The following SPOCK1 variants were observed in gnomAD, a reference collection of about 807,000 sequenced individuals.
The protein encoded by SPOCK1 is testican-1.
A neutral mutation model predicts 55.3 loss-of-function variants in SPOCK1; 23 were observed. The observed-to-expected ratio is 0.42, with a 90% CI of 0.30 to 0.59. The LOEUF (loss-of-function observed/expected upper bound fraction) is 0.59. Among genes scored for constraint, SPOCK1 ranks in the 20% least tolerant of loss-of-function variants. The pLI is 0.22. For synonymous variants in SPOCK1, 226 were observed against 221.0 expected, an observed-to-expected ratio of 1.02 and a Z score of -0.20; for missense variants, 499 against 552.5, an observed-to-expected ratio of 0.90 and a Z score of 0.97.
intron 3 of SPOCK1, among the ~76,000 whole-genome samples, chr5:137,235,499 A>G (rs1046450118): frequency 6.6e-6 from 1 of 152,218 alleles, no homozygotes; most frequent in African/African-American, 2.4e-5. Context: ...GACAAGAAAA[A>G]CATGCCCAGA....
intron 2 of SPOCK1, among the ~76,000 whole-genome samples, chr5:137,404,225 GCA>G (rs1173990939): frequency 6.6e-6 from 1 of 152,152 alleles, no homozygotes; most frequent in Non-Finnish European, 1.5e-5. Context: ...CACGGCAAGT[GCA>G]CACCAGCCCC....
intron 2 of SPOCK1, among the ~76,000 whole-genome samples, chr5:137,320,887 A>C (rs1757971777): frequency 6.6e-6 from 1 of 151,762 alleles, no homozygotes; most frequent in Non-Finnish European, 1.5e-5. Context: ...GCCCAGTCAA[A>C]GTTACAAAAT....
intron 3 of SPOCK1, among the ~76,000 whole-genome samples, chr5:137,169,198 G>C (rs961514142): frequency 6.6e-6 from 1 of 152,130 alleles, no homozygotes; most frequent in Non-Finnish European, 1.5e-5. Flanking sequence ...GTGTTGTGAG[G>C]GGTTGGGGGG....
At chr5:137,473,467 C>T (rs932982388) in intron 2 of SPOCK1, among the ~76,000 whole-genome samples, 7 of 152,114 alleles carry the variant, frequency 4.6e-5, no homozygotes, top group Non-Finnish European at 8.8e-5. Flanking sequence ...CTAGCAGCTA[C>T]TAGAAATGGT....
At chr5:136,979,005 C>G (rs1026225109) in intron 10 of SPOCK1, among the ~76,000 whole-genome samples, 161 bp from the exon 11 acceptor site, 2 of 152,172 alleles carry the variant, frequency 1.3e-5, no homozygotes, top group African/African-American at 4.8e-5. Flanking sequence ...GCATACATTA[C>G]AAACTTTGTT....
At chr5:137,152,071 T>C (rs1754327290) in intron 3 of SPOCK1, among the ~76,000 whole-genome samples, 1 of 152,186 alleles carries the variant, frequency 6.6e-6, no homozygotes. Context: ...AAGTTAATGT[T>C]GATTGGAGCT....
intron 2 of SPOCK1, among the ~76,000 whole-genome samples, chr5:137,348,578 T>C (rs1376384042): frequency 1.3e-5 from 2 of 152,178 alleles, no homozygotes; most frequent in East Asian, 3.8e-4. Context: ...TTTGATGTCT[T>C]TGTGCCCTGC....
intron 4 of SPOCK1, among the ~76,000 whole-genome samples, chr5:137,116,473 C>T (rs1000657001): frequency 4.6e-5 from 7 of 151,988 alleles, no homozygotes; most frequent in African/African-American, 1.7e-4. Flanking sequence ...AGCGAAACCC[C>T]GTCTCTACTA....
intron 7 of SPOCK1, among the ~76,000 whole-genome samples, chr5:136,989,799 G>A (rs1180190930): frequency 6.6e-6 from 1 of 152,112 alleles, no homozygotes; most frequent in Non-Finnish European, 1.5e-5. Flanking sequence ...GCAAGGGGGG[G>A]CCTGATGGGG....
chr5:137,086,397 G>A (rs914572074), intron 5 of SPOCK1, among the ~76,000 whole-genome samples: 3 of 152,218 alleles, frequency 2.0e-5, no homozygotes, highest in South Asian at 2.1e-4. Context: ...CACAAAGGCA[G>A]CCCAGGGCTG....
intron 2 of SPOCK1, among the ~76,000 whole-genome samples, chr5:137,425,114 C>T (rs4246789): frequency 0.92 from 140,012 of 152,212 alleles, 65,158 homozygotes; most frequent in East Asian, 1. Context: ...TCAGGCTGTC[C>T]CTTGTTTCTA....
chr5:137,324,098 ATAAG>A (rs59715804), intron 2 of SPOCK1, among the ~76,000 whole-genome samples: 9,028 of 152,250 alleles, frequency 0.059, 480 homozygotes, highest in African/African-American at 0.14. Context: ...GGATGAATGG[ATAAG>A]TAAGATGTGG....
chr5:137,042,469 C>T (rs1752018185), intron 6 of SPOCK1, among the ~76,000 whole-genome samples: 1 of 152,098 alleles, frequency 6.6e-6, no homozygotes, highest in Non-Finnish European at 1.5e-5. Context: ...TTTAAAAAAT[C>T]ATTTAGGAGG....
chr5:137,484,692 T>C (rs1480017031), intron 2 of SPOCK1, among the ~76,000 whole-genome samples: 1 of 152,198 alleles, frequency 6.6e-6, no homozygotes, highest in Admixed American at 6.5e-5. Flanking sequence ...TCTGGAAATA[T>C]ATCAAAAGGA....
intron 2 of SPOCK1, among the ~76,000 whole-genome samples, chr5:137,353,392 C>A (rs916572771): frequency 6.6e-6 from 1 of 152,020 alleles, no homozygotes; most frequent in African/African-American, 2.4e-5. Context: ...ATCAATCAAT[C>A]AATAAATAAA....
intron 2 of SPOCK1, among the ~76,000 whole-genome samples, chr5:137,458,413 GAAAC>G (rs1753412407): frequency 6.6e-6 from 1 of 152,160 alleles, no homozygotes; most frequent in Non-Finnish European, 1.5e-5. Flanking sequence ...TGTAATAAGA[GAAAC>G]AAATTTTTAA....
chr5:137,357,433 A>G (rs1750841341), intron 2 of SPOCK1, among the ~76,000 whole-genome samples: 1 of 152,110 alleles, frequency 6.6e-6, no homozygotes, highest in Non-Finnish European at 1.5e-5. Flanking sequence ...GCATTGGGGG[A>G]TGTGGGAATG....
chr5:137,002,174 A>G (rs940293102), intron 6 of SPOCK1, among the ~76,000 whole-genome samples: 6 of 152,166 alleles, frequency 3.9e-5, no homozygotes, highest in African/African-American at 1.4e-4. Context: ...TTGGAATAAG[A>G]TGAGTTATAC....
intron 2 of SPOCK1, among the ~76,000 whole-genome samples, chr5:137,414,843 A>G (rs1346375966): frequency 6.6e-6 from 1 of 152,190 alleles, no homozygotes; most frequent in African/African-American, 2.4e-5. Context: ...CAAAAAAGTC[A>G]TAGATAATCC....
Sources: allele counts gnomAD v4.1 joint callset (sites outside exome capture counted in the v4.1 genomes callset), GRCh38; gene constraint gnomAD v4.1.1; transcripts MANE v1.5; gene names NCBI Gene and HGNC (gene_info 2026-07-23, HGNC 2026-07-21).